KIF26B: variants seen among roughly 807,000 people sequenced by gnomAD.
KIF26B encodes the protein kinesin-like protein KIF26B.
In KIF26B, 63 loss-of-function variants were observed where a neutral mutation model predicts 151.2. The ratio of observed to expected loss-of-function variants is 0.42; its 90% CI spans 0.34 to 0.51. The LOEUF is 0.51. Ranked by LOEUF, KIF26B falls within the 20% of genes least tolerant of loss-of-function variation. The pLI is 0.07. For synonymous variants in KIF26B, 1,357 were observed against 1,262.1 expected (o/e 1.08, Z -1.59); for missense variants, 2,813 against 2,913.6 (o/e 0.97, Z 0.79).
intron 2 of KIF26B, among the ~76,000 whole-genome samples, chr1:245,314,167 G>GC (rs556538386): frequency 1.2e-4 from 19 of 152,134 alleles, no homozygotes; most frequent in Non-Finnish European, 2.5e-4. Context: ...TTATATTCAG[G>GC]CGGGGGGCGG....
In KIF26B at chr1:245,162,375, C is replaced by CTT. The variant is rs138853411; in HGVS notation, c.465+5719_465+5720dup. On this transcript the variant is annotated intron_variant, in intron 2 of 14. Transcript: ENST00000407071. ...CTATAGATGCACCCATCAGAAATAT[C>CTT]TTTTTTTTTTTTTTTTTTTTTTTTT... 7.2e-3 allele frequency among the ~76,000 whole-genome samples: 554 copies of CTT among 76,514 alleles called. 73 individuals carry two copies. The highest frequency in any genetic ancestry group is 0.027 in the African/African-American group (535 of 19,536). The allele number at this position is 76,514 out of a possible 152,430, so 50.2% of individuals were successfully genotyped here. A position where few individuals can be genotyped will look rare whatever the true frequency, so the allele number is the denominator to read the frequency against.
At chr1:245,183,485 G>T (rs557268653) in intron 2 of KIF26B, among the ~76,000 whole-genome samples, 3 of 152,256 alleles carry the variant, frequency 2.0e-5, no homozygotes, top group Admixed American at 2.0e-4. Flanking sequence ...CTTGCATAAA[G>T]AAATTTTCCA....
Position 245,686,943 on chromosome 1 carries a change from C to T in KIF26B, c.3960C>T (p.Ser1320=). ...AACCTGTGGCCTCGGAGTTTGTCAG[C>T]AGCCTCCAGAACACCGCTGTGGTGT... is the stretch of plus-strand genomic sequence containing the variant. ...MAEPVASEFV[S]SLQNTAVVCR... The change falls in exon 12 of 15, where the codon AGC becomes AGT. Residue 1320 remains serine (S), a synonymous_variant. Transcript: ENST00000407071. This position sits in a 1 kb window ranked among gnomAD's most constrained non-coding sequence, Gnocchi z 5.6. The T allele has an allele frequency of 1.2e-6, 2 of 1,613,414 alleles. No individual in the cohort carries two copies. Among genetic ancestry groups the T allele is most frequent in the Non-Finnish European group, 1.7e-6 (2 of 1,179,766 alleles).
In KIF26B at chr1:245,698,821, G is replaced by A. The variant is rs961013655; in HGVS notation, c.6028-66G>A. ...CTGTTTTCCATCAACGATACTCACA[G>A]GTGCTCCTGTGGTGTGGGCTGGGTG... On this transcript the variant is annotated intron_variant, in intron 13 of 14. Coordinates refer to ENST00000407071, the MANE Select transcript of KIF26B (RefSeq NM_018012.4). This position sits in a 1 kb window ranked among gnomAD's most constrained non-coding sequence, Gnocchi z 4.0. 1.3e-5 allele frequency: 20 copies of A among 1,552,750 alleles called. No homozygotes were observed. Among genetic ancestry groups the A allele is most frequent in the Middle Eastern group, 1.7e-4 (1 of 5,798 alleles).
chr1:245,209,513 C>T (rs905322067), intron 2 of KIF26B, among the ~76,000 whole-genome samples: 2 of 151,826 alleles, frequency 1.3e-5, no homozygotes, highest in Non-Finnish European at 2.9e-5. Flanking sequence ...AAAGAAAAAA[C>T]AAAAACATAA....
At chr1:245,699,190 G>A (rs941305827) in intron 14 of KIF26B, among the ~76,000 whole-genome samples, 153 bp downstream of exon 14, 11 of 152,186 alleles carry the variant, frequency 7.2e-5, no homozygotes, top group African/African-American at 2.7e-4. Flanking sequence ...CGAGCGAGCA[G>A]CCCTACTCCC....
At chr1:245,455,391 C>T (rs1296864277) in intron 4 of KIF26B, among the ~76,000 whole-genome samples, 1 of 152,110 alleles carries the variant, frequency 6.6e-6, no homozygotes, top group Non-Finnish European at 1.5e-5. Context: ...ATAGTCCCAG[C>T]TACTCGGGAG....
chr1:245,662,137 C>A (rs1004882160), intron 10 of KIF26B, among the ~76,000 whole-genome samples: 18 of 150,438 alleles, frequency 1.2e-4, no homozygotes, highest in Admixed American at 6.6e-5. Context: ...TATATACATA[C>A]ACACACCCCA....
At chr1:245,673,752 C>T (rs2044323680) in intron 10 of KIF26B, 1 of 152,212 alleles carries the variant, frequency 6.6e-6, no homozygotes, top group Non-Finnish European at 1.5e-5. Flanking sequence ...GCAAGTTTAT[C>T]ACGAAGGAGA....
intron 10 of KIF26B, among the ~76,000 whole-genome samples, chr1:245,654,965 T>C (rs79386080): frequency 0.023 from 3,452 of 152,274 alleles, 135 homozygotes; most frequent in African/African-American, 0.079. Context: ...AATAGAAGCT[T>C]TGGGAAATTC....
intron 4 of KIF26B, among the ~76,000 whole-genome samples, chr1:245,458,927 T>C (rs1659594598): frequency 6.6e-6 from 1 of 152,184 alleles, no homozygotes; most frequent in Non-Finnish European, 1.5e-5. Context: ...GAATTAAATC[T>C]CCCCACGCTA....
chr1:245,543,765 T>C (rs1052124587), intron 5 of KIF26B, among the ~76,000 whole-genome samples: 11 of 152,124 alleles, frequency 7.2e-5, no homozygotes, highest in African/African-American at 2.7e-4. Flanking sequence ...CTGACCAACA[T>C]GGTGAAACCC....
chr1:245,526,784 C>A (rs997815892), intron 4 of KIF26B, among the ~76,000 whole-genome samples: 1 of 152,174 alleles, frequency 6.6e-6, no homozygotes, highest in South Asian at 2.1e-4. Context: ...TTGCTTCAGG[C>A]AACAAATTAC....
chr1:245,576,130 A>G (rs775401431), intron 5 of KIF26B, among the ~76,000 whole-genome samples: 20 of 152,288 alleles, frequency 1.3e-4, no homozygotes, highest in East Asian at 1.9e-4. Flanking sequence ...TGAAAACTGT[A>G]AGAATGAAAT....
At position 245,686,540 on chromosome 1, in the gene KIF26B, A is replaced by G; in HGVS notation, c.3557A>G (p.Asp1186Gly). The change falls in exon 12 of 15, where the codon GAC becomes GGC. Residue 1186 changes from aspartate (D) to glycine (G), a missense_variant. By Grantham distance (94) the Asp-to-Gly change is moderately conservative (BLOSUM62 -1). Coordinates refer to ENST00000407071, the MANE Select transcript of KIF26B (RefSeq NM_018012.4). The surrounding 1 kb of genome is among the most constrained non-coding windows in gnomAD (Gnocchi z 5.6). ...CAGCCACTGGAGCTGAACGGTGAGG[A>G]CGAGCTGGTGTTCACGCTGGTGGAG... Reference protein sequence around the residue: ...VQQPLELNGEDELVFTLVEEL... With the variant: ...VQQPLELNGEGELVFTLVEEL... 1 of 1,613,110 alleles carries G rather than the reference A, an allele frequency of 6.2e-7. No homozygotes were observed. Among genetic ancestry groups the G allele is most frequent in the East Asian group, 2.2e-5 (1 of 44,864 alleles).
chr1:245,706,575 T>C lies in KIF26B; in HGVS notation c.*3969T>C, dbSNP rs866676466. The C allele has an allele frequency of 3.3e-5, 5 of 152,372 alleles. No individual in the cohort carries two copies. Among genetic ancestry groups the C allele is most frequent in the African/African-American group, 9.6e-5 (4 of 41,592 alleles). The allele number at this position is 152,372 out of a possible 1,614,324, so 9.4% of individuals were successfully genotyped here. On this transcript the variant is annotated 3_prime_UTR_variant, in exon 15 of 15. Coordinates refer to ENST00000407071, the MANE Select transcript of KIF26B (RefSeq NM_018012.4). The stretch of plus-strand genomic sequence containing the variant: ...TCATTGTTCTTTCCTGCTGGACTAG[T>C]AACCCATTCTTGGAGCACACACAGA...
chr1:245,619,950 C>T (rs2043640750), intron 9 of KIF26B, among the ~76,000 whole-genome samples: 3 of 151,424 alleles, frequency 2.0e-5, no homozygotes, highest in Admixed American at 2.0e-4. Context: ...AAATTAATCT[C>T]TGTGTTATCT....
intron 2 of KIF26B, among the ~76,000 whole-genome samples, chr1:245,341,477 T>G (rs1482227604): frequency 6.6e-6 from 1 of 151,846 alleles, no homozygotes; most frequent in East Asian, 1.9e-4. Context: ...ACACCACCAC[T>G]CTCAGCTAAT....
intron 2 of KIF26B, among the ~76,000 whole-genome samples, chr1:245,253,703 G>A (rs933775940): frequency 2.0e-5 from 3 of 150,034 alleles, no homozygotes; most frequent in Admixed American, 6.6e-5. Context: ...TTTTAAAATG[G>A]TTATAGGACT....
Sources: gnomAD v4.1 joint callset for allele counts (sites outside exome capture counted in the v4.1 genomes callset) on GRCh38, gnomAD v4.1.1 for gene constraint, Gnocchi (gnomAD v3.1) non-coding constraint, MANE v1.5 for transcripts, NCBI Gene and HGNC (gene_info 2026-07-23, HGNC 2026-07-21) for gene names.